ABCB1: variants seen among roughly 807,000 people sequenced by gnomAD.
The protein encoded by ABCB1 is ATP binding cassette subfamily B member 1, also known as ATP-dependent translocase ABCB1.
Under a neutral mutation model 142.0 loss-of-function variants are expected in ABCB1, and 69 were observed. The observed-to-expected ratio is 0.49, with a 90% confidence interval of 0.40 to 0.59. The LOEUF (loss-of-function observed/expected upper bound fraction) is 0.59. Ranked by LOEUF, ABCB1 falls within the 20% of genes least tolerant of loss-of-function variation. The probability of loss-of-function intolerance (pLI) is 0.00; values close to 1 mark genes in which losing one functional copy is unlikely to be tolerated. For synonymous variants in ABCB1, 532 were observed against 539.2 expected (o/e 0.99, Z 0.18); for missense variants, 1,326 against 1,554.7 (o/e 0.85, Z 2.47).
chr7:87,712,433 C>G (rs1418545974), intron 1 of ABCB1, among the ~76,000 whole-genome samples: 1 of 152,012 alleles, frequency 6.6e-6, no homozygotes, highest in Non-Finnish European at 1.5e-5. Context: ...TAGCTCAAAT[C>G]TAAAAATCCT....
chr7:87,593,654 G>A (rs559495355), intron 3 of ABCB1, among the ~76,000 whole-genome samples: 3 of 152,344 alleles, frequency 2.0e-5, no homozygotes, highest in Admixed American at 6.5e-5. Context: ...CCTTCTATGA[G>A]TCTGAAATTT....
intron 18 of ABCB1, among the ~76,000 whole-genome samples, chr7:87,541,116 G>A (rs941387487): frequency 3.3e-5 from 5 of 152,070 alleles, no homozygotes; most frequent in Admixed American, 6.5e-5. Context: ...CATCATATCA[G>A]GCCAAATACT....
intron 1 of ABCB1, among the ~76,000 whole-genome samples, chr7:87,643,652 C>A (rs1412021949): frequency 4.6e-5 from 7 of 151,346 alleles, no homozygotes; most frequent in Non-Finnish European, 7.4e-5. Flanking sequence ...TCCTGAGTAG[C>A]TGGGACTGCA....
intron 1 of ABCB1, among the ~76,000 whole-genome samples, chr7:87,612,071 A>G (rs1417104670): frequency 6.6e-6 from 1 of 152,136 alleles, no homozygotes; most frequent in East Asian, 1.9e-4. Context: ...GATTATCTTC[A>G]TTTTAAAGAA....
chr7:87,525,190 A>G (rs1035000897), intron 21 of ABCB1, among the ~76,000 whole-genome samples: 1 of 152,166 alleles, frequency 6.6e-6, no homozygotes, highest in African/African-American at 2.4e-5. Flanking sequence ...CCATCAGGAG[A>G]GAGAATTTCT....
intron 1 of ABCB1, among the ~76,000 whole-genome samples, chr7:87,680,088 C>T (rs1217998632): frequency 6.7e-6 from 1 of 150,354 alleles, no homozygotes; most frequent in African/African-American, 2.5e-5. Flanking sequence ...CATGTGTTCT[C>T]GTTGTTCAAC....
chr7:87,574,599 A>T (rs1337736024), intron 4 of ABCB1, among the ~76,000 whole-genome samples: 1 of 152,136 alleles, frequency 6.6e-6, no homozygotes, highest in Non-Finnish European at 1.5e-5. Context: ...CGAAGAGTTT[A>T]CTGTTCCCTA....
intron 1 of ABCB1, among the ~76,000 whole-genome samples, chr7:87,644,324 C>T (rs1822764049): frequency 1.3e-5 from 2 of 152,208 alleles, no homozygotes; most frequent in African/African-American, 2.4e-5. Context: ...TCTTGGAAGC[C>T]ATCTCCTTGT....
At chr7:87,626,091 T>TATATATATTGTCTTATATATGTGTC (rs1820439866) in intron 1 of ABCB1, among the ~76,000 whole-genome samples, 2 of 95,816 alleles carry the variant, frequency 2.1e-5, no homozygotes. Context: ...TATATATATA[T>TATATATATTGTCTTATATATGTGTC]ATATATATTG....
At chr7:87,677,090 T>C (rs1036136835) in intron 1 of ABCB1, among the ~76,000 whole-genome samples, 4 of 152,104 alleles carry the variant, frequency 2.6e-5, no homozygotes, top group Non-Finnish European at 4.4e-5. Context: ...AAATTACAAG[T>C]AGAACTGCCA....
intron 20 of ABCB1, among the ~76,000 whole-genome samples, chr7:87,534,949 T>G (rs1414354082): frequency 6.7e-6 from 1 of 148,360 alleles, no homozygotes. Context: ...AACTCCATTT[T>G]TTTTTCCACT....
upstream of ABCB1, among the ~76,000 whole-genome samples, chr7:87,601,604 A>AT (rs1554441090): frequency 6.6e-6 from 1 of 152,186 alleles, no homozygotes; most frequent in Non-Finnish European, 1.5e-5. Flanking sequence ...TTCCTTCCAT[A>AT]TTTACTGCCA....
intron 1 of ABCB1, chr7:87,710,651 AC>A: frequency 6.4e-7 from 1 of 1,559,104 alleles, no homozygotes; most frequent in Non-Finnish European, 8.7e-7. Context: ...CTTCAAAACA[AC>A]CAGGTTTAAA....
At chr7:87,645,418 C>CT (rs1822904612) in intron 1 of ABCB1, among the ~76,000 whole-genome samples, 1 of 152,104 alleles carries the variant, frequency 6.6e-6, no homozygotes, top group Non-Finnish European at 1.5e-5. Flanking sequence ...CAAAAATTTC[C>CT]TTGGACTTTG....
At chr7:87,614,873 T>A (rs1819981529) in intron 1 of ABCB1, among the ~76,000 whole-genome samples, 1 of 151,628 alleles carries the variant, frequency 6.6e-6, no homozygotes, top group Non-Finnish European at 1.5e-5. Context: ...GGGAACGGAG[T>A]CATGCTCTGC....
chr7:87,647,152 T>A (rs1464848523), intron 1 of ABCB1, among the ~76,000 whole-genome samples: 2 of 152,216 alleles, frequency 1.3e-5, no homozygotes, highest in East Asian at 3.8e-4. Flanking sequence ...ATAGGAGAGT[T>A]ATTTCATTAC....
At chr7:87,544,493 A>T (rs1816684330) in intron 16 of ABCB1, among the ~76,000 whole-genome samples, 1 of 152,206 alleles carries the variant, frequency 6.6e-6, no homozygotes, top group Non-Finnish European at 1.5e-5. Context: ...TTTTTTAAAA[A>T]ATAAATGATG....
chr7:87,538,386 A>G (rs1238307865), intron 19 of ABCB1, among the ~76,000 whole-genome samples: 1 of 152,120 alleles, frequency 6.6e-6, no homozygotes, highest in Non-Finnish European at 1.5e-5. Flanking sequence ...CCATAAATAC[A>G]TTTTCTTTCT....
At chr7:87,683,320 A>G (rs1391007877) in intron 1 of ABCB1, among the ~76,000 whole-genome samples, 1 of 152,078 alleles carries the variant, frequency 6.6e-6, no homozygotes, top group African/African-American at 2.4e-5. Flanking sequence ...AGTACTTTTA[A>G]TTTCCTTTGA....
Sources: allele counts gnomAD v4.1 joint callset (sites outside exome capture counted in the v4.1 genomes callset), GRCh38; gene constraint gnomAD v4.1.1; transcripts MANE v1.5; gene names NCBI Gene and HGNC (gene_info 2026-07-23, HGNC 2026-07-21).